The following HIBADH variants were observed in gnomAD, a reference collection of about 807,000 sequenced individuals.
HIBADH encodes the protein 3-hydroxyisobutyrate dehydrogenase.
HIBADH carries 25 observed loss-of-function variants against 36.1 expected under a neutral mutation model. The observed-to-expected ratio is 0.69, with a 90% CI of 0.50 to 0.97. The LOEUF (loss-of-function observed/expected upper bound fraction) is 0.97. Among genes scored for constraint, HIBADH ranks in the 50% least tolerant of loss-of-function variants. The pLI is 0.00. For missense variants in HIBADH, 421 were observed against 418.0 expected, an observed-to-expected ratio of 1.01 and a Z score of -0.06; for synonymous variants, 160 against 149.5, an observed-to-expected ratio of 1.07 and a Z score of -0.51.
chr7:27,658,749 T>C (rs777346267), intron 1 of HIBADH, among the ~76,000 whole-genome samples: 1 of 152,238 alleles, frequency 6.6e-6, no homozygotes, highest in Non-Finnish European at 1.5e-5. Flanking sequence ...TAAGGTTATA[T>C]TTTCTATACA....
At chr7:27,657,703 C>CA (rs1209384956) in intron 1 of HIBADH, among the ~76,000 whole-genome samples, 2 of 152,008 alleles carry the variant, frequency 1.3e-5, no homozygotes, top group African/African-American at 4.8e-5. Flanking sequence ...GACCTGATGT[C>CA]AAAAGAGAAT....
At chr7:27,567,332 A>AC (rs1784560112) in intron 4 of HIBADH, among the ~76,000 whole-genome samples, 1 of 152,092 alleles carries the variant, frequency 6.6e-6, no homozygotes, top group African/African-American at 2.4e-5. Context: ...ACTAGTATTT[A>AC]CATGGTATAT....
In HIBADH at chr7:27,649,414, GA is replaced by G. The variant is rs1583619744; in HGVS notation, c.252+58del. The G allele has an allele frequency of 2.2e-6, 3 of 1,353,516 alleles. No homozygotes were observed. In the East Asian group the frequency reaches 7.1e-5, roughly 32 times the overall value. 83.8% of individuals were successfully genotyped at this position (1,353,516 alleles called of 1,614,324 possible). ...ACTTCTAAGAAGCTGTCACTTATTT[GA>G]ATGTATATTCATTTTTCATTCTCAA... is the stretch of plus-strand genomic sequence containing the variant. On this transcript the variant is annotated intron_variant, in intron 2 of 7. Coordinates refer to ENST00000265395, the MANE Select transcript of HIBADH (RefSeq NM_152740.4).
chr7:27,615,346 C>A (rs981989573), intron 4 of HIBADH, among the ~76,000 whole-genome samples: 5 of 152,130 alleles, frequency 3.3e-5, no homozygotes, highest in African/African-American at 7.2e-5. Context: ...GAACCCTGGG[C>A]AAGTCACTTA....
chr7:27,658,140 A>G (rs1378840613), intron 1 of HIBADH, among the ~76,000 whole-genome samples: 1 of 152,196 alleles, frequency 6.6e-6, no homozygotes, highest in African/African-American at 2.4e-5. Context: ...AGCGCTTGGC[A>G]AATATAAAAT....
intron 4 of HIBADH, among the ~76,000 whole-genome samples, chr7:27,557,194 C>T (rs1398497543): frequency 1.3e-5 from 2 of 150,640 alleles, no homozygotes; most frequent in Non-Finnish European, 3.0e-5. Context: ...CCCAGATGAG[C>T]TTAAGGTTTT....
rs1485130164 is a variant in HIBADH, at chr7:27,527,917, CGTTTTT to C, written c.853-1551_853-1546del. On this transcript the variant is annotated intron_variant, in intron 7 of 7. Transcript: ENST00000265395. ...AGGCATTTGCCACCACCACACCCAG[CGTTTTT>C]TTTTTTTTTTTTTTTTTTTAGTAGA... Among the ~76,000 whole-genome samples, 19 of 77,024 alleles carry C rather than the reference CGTTTTT, an allele frequency of 2.5e-4. 3 individuals carry two copies. The highest frequency in any genetic ancestry group is 4.4e-4 in the African/African-American group (8 of 18,296). 50.5% of individuals were successfully genotyped at this position (77,024 alleles called of 152,430 possible).
At chr7:27,566,090 A>G (rs1416194280) in intron 4 of HIBADH, among the ~76,000 whole-genome samples, 1 of 152,076 alleles carries the variant, frequency 6.6e-6, no homozygotes, top group Non-Finnish European at 1.5e-5. Context: ...CAGAATTTTT[A>G]TGTGTACAGT....
intron 4 of HIBADH, among the ~76,000 whole-genome samples, chr7:27,552,172 G>C (rs1003474790): frequency 6.6e-6 from 1 of 152,154 alleles, no homozygotes; most frequent in Non-Finnish European, 1.5e-5. Flanking sequence ...AGTTTAGAGC[G>C]TGCCATGTTT....
At chr7:27,642,808 C>T (rs547271252) in intron 2 of HIBADH, among the ~76,000 whole-genome samples, 1 of 151,782 alleles carries the variant, frequency 6.6e-6, no homozygotes, top group Non-Finnish European at 1.5e-5. Flanking sequence ...CCCGCCATTA[C>T]GCCCGGCTAA....
chr7:27,633,645 A>G (rs952607306), intron 2 of HIBADH, among the ~76,000 whole-genome samples: 6 of 152,120 alleles, frequency 3.9e-5, no homozygotes, highest in African/African-American at 9.7e-5. Flanking sequence ...CCTGGGCAAC[A>G]GAGCGAGACC....
intron 4 of HIBADH, among the ~76,000 whole-genome samples, chr7:27,597,119 T>C (rs979341009): frequency 6.6e-6 from 1 of 151,944 alleles, no homozygotes; most frequent in Non-Finnish European, 1.5e-5. Context: ...GGAATAAAAG[T>C]ACATAGAGAA....
At chr7:27,565,727 G>A (rs1784538444) in intron 4 of HIBADH, among the ~76,000 whole-genome samples, 1 of 152,082 alleles carries the variant, frequency 6.6e-6, no homozygotes, top group Non-Finnish European at 1.5e-5. Flanking sequence ...GATCTCAGGG[G>A]GAAAGCATTT....
intron 4 of HIBADH, among the ~76,000 whole-genome samples, chr7:27,627,861 G>T (rs894540063): frequency 5.9e-5 from 9 of 152,022 alleles, no homozygotes; most frequent in Non-Finnish European, 8.8e-5. Flanking sequence ...TTTAAAAATT[G>T]CTTGATAAGA....
chr7:27,655,928 G>C (rs906249746), intron 1 of HIBADH, among the ~76,000 whole-genome samples: 3 of 151,914 alleles, frequency 2.0e-5, no homozygotes, highest in Admixed American at 1.3e-4. Flanking sequence ...TGTATATTAG[G>C]TCGACCTTTT....
At chr7:27,526,998 G>A (rs2128182271) in intron 7 of HIBADH, among the ~76,000 whole-genome samples, 1 of 152,246 alleles carries the variant, frequency 6.6e-6, no homozygotes, top group South Asian at 2.1e-4. Flanking sequence ...CTGGAGCCAG[G>A]TGAAAACATG....
chr7:27,617,786 C>T (rs917967348), intron 4 of HIBADH, among the ~76,000 whole-genome samples: 64 of 152,272 alleles, frequency 4.2e-4, no homozygotes, highest in Admixed American at 2.6e-4. Context: ...CTGACACTAG[C>T]GCAGGTGGAG....
chr7:27,554,529 G>A (rs1341373497), intron 4 of HIBADH, among the ~76,000 whole-genome samples: 1 of 152,084 alleles, frequency 6.6e-6, no homozygotes, highest in Non-Finnish European at 1.5e-5. Flanking sequence ...ACCCTTCTGG[G>A]TATCCTCCCA....
chr7:27,616,281 TCTACCTC>T (rs1785425760), intron 4 of HIBADH, among the ~76,000 whole-genome samples: 1 of 152,132 alleles, frequency 6.6e-6, no homozygotes, highest in Non-Finnish European at 1.5e-5. Context: ...TCACGAGGGA[TCTACCTC>T]CATGGCCCAA....
Sources: gnomAD v4.1 joint callset for allele counts (sites outside exome capture counted in the v4.1 genomes callset) on GRCh38, gnomAD v4.1.1 for gene constraint, MANE v1.5 for transcripts, NCBI Gene and HGNC (gene_info 2026-07-23, HGNC 2026-07-21) for gene names.